KLF12: variants seen among roughly 807,000 people sequenced by gnomAD.
The protein encoded by KLF12 is KLF transcription factor 12.
A neutral mutation model predicts 37.8 loss-of-function variants in KLF12; 9 were observed. The observed-to-expected ratio is 0.24, with a 90% CI of 0.14 to 0.42. KLF12 has a LOEUF of 0.42. KLF12 is among the 10% of genes least tolerant of loss of function. KLF12 has a pLI of 1.00. For synonymous variants in KLF12, 208 were observed against 202.1 expected (o/e 1.03, Z -0.25); for missense variants, 411 against 516.0 (o/e 0.80, Z 1.97).
chr13:74,219,148 G>C, the KLF12 span, among the ~76,000 whole-genome samples: 3 of 151,972 alleles, frequency 2.0e-5, no homozygotes, highest in African/African-American at 7.3e-5. Context: ...TAGAGACAAG[G>C]TTTCACCACA....
chr13:74,119,226 G>A (rs1363573508), intron 1 of KLF12, among the ~76,000 whole-genome samples: 1 of 151,956 alleles, frequency 6.6e-6, no homozygotes, highest in Non-Finnish European at 1.5e-5. Flanking sequence ...CCAGATACTT[G>A]GGAGGCTGAG....
Position 74,043,802 on chromosome 13 carries a change from G to C in KLF12, c.-31-48749C>G, listed in dbSNP as rs146788047. On this transcript the variant is annotated intron_variant, in intron 1 of 7. Transcript: ENST00000377669. ...GGATCTAGTTTTGGCAAATTAGGCA[G>C]GTCCTCACAGCAATTGCTGTGTGGG... Among the ~76,000 whole-genome samples the C allele has an allele frequency of 5.4e-4, 83 of 152,310 alleles. 3 individuals are homozygous for C. In the East Asian group the frequency reaches 0.015, roughly 28 times the overall value.
At chr13:74,217,069 T>A in the KLF12 span, among the ~76,000 whole-genome samples, 1 of 152,230 alleles carries the variant, frequency 6.6e-6, no homozygotes, top group Non-Finnish European at 1.5e-5. Context: ...TATACACACA[T>A]ATCTAGGGAT....
In KLF12 at chr13:73,738,104, TATATATATATATATATATATACACAC is replaced by T. The variant is rs1337073500; in HGVS notation, c.870-22605_870-22580del. Reference sequence around the variant, plus strand: ...ATATGTATGTGTACATATATATATATATATATATATATATATATATACACACACACACATATATATACACACACACA... The same window carrying T: ...ATATGTATGTGTACATATATATATATACACACATATATATACACACACACA... On this transcript the variant is annotated intron_variant, in intron 6 of 7. Coordinates refer to ENST00000377669, the MANE Select transcript of KLF12 (RefSeq NM_007249.5). 1.1e-3 allele frequency among the ~76,000 whole-genome samples: 112 copies of T among 103,540 alleles called. 3 individuals carry two copies. Among genetic ancestry groups the T allele is most frequent in the African/African-American group, 3.9e-3 (91 of 23,540 alleles). 67.9% of individuals were successfully genotyped at this position (103,540 alleles called of 152,430 possible). A position where few individuals can be genotyped will look rare whatever the true frequency, so the allele number is the denominator to read the frequency against.
intron 1 of KLF12, among the ~76,000 whole-genome samples, chr13:74,098,248 T>C (rs560452013): frequency 4.6e-5 from 7 of 152,300 alleles, no homozygotes; most frequent in East Asian, 1.9e-4. Flanking sequence ...GGTGAGAACA[T>C]TGCATGCACT....
intron 1 of KLF12, among the ~76,000 whole-genome samples, chr13:74,044,361 A>G (rs1346506110): frequency 6.6e-6 from 1 of 152,184 alleles, no homozygotes; most frequent in African/African-American, 2.4e-5. Context: ...CCATTTGTCA[A>G]TAAGAGGAAC....
chr13:73,768,667 C>T (rs1322912152), intron 5 of KLF12, among the ~76,000 whole-genome samples: 1 of 152,014 alleles, frequency 6.6e-6, no homozygotes, highest in Non-Finnish European at 1.5e-5. Context: ...AAATTTGCAC[C>T]CATTTACAGA....
At chr13:74,149,526 A>T in the KLF12 span, among the ~76,000 whole-genome samples, 1 of 152,182 alleles carries the variant, frequency 6.6e-6, no homozygotes, top group Non-Finnish European at 1.5e-5. Context: ...CTGATATTCC[A>T]TGACCACTTC....
the KLF12 span, among the ~76,000 whole-genome samples, chr13:74,179,838 C>T: frequency 2.4e-4 from 37 of 152,150 alleles, no homozygotes; most frequent in African/African-American, 8.4e-4. Flanking sequence ...GTACAACAAC[C>T]CGTACTTTCC....
intron 7 of KLF12, among the ~76,000 whole-genome samples, chr13:73,702,073 ACT>A (rs1223593770): frequency 1.3e-5 from 2 of 152,102 alleles, no homozygotes; most frequent in Non-Finnish European, 2.9e-5. Flanking sequence ...CATCCTGAAA[ACT>A]CTGTAACTCC....
chr13:74,047,724 T>G (rs962434023), intron 1 of KLF12, among the ~76,000 whole-genome samples: 7 of 151,932 alleles, frequency 4.6e-5, no homozygotes, highest in African/African-American at 1.2e-4. Context: ...AAGAAGTGAA[T>G]AGAGAGAGTA....
intron 6 of KLF12, among the ~76,000 whole-genome samples, chr13:73,727,318 G>A (rs559500499): frequency 2.4e-4 from 37 of 152,202 alleles, no homozygotes; most frequent in African/African-American, 8.9e-4. Context: ...GACTTTTATA[G>A]CTTTGACTCT....
chr13:73,894,470 A>G (rs1887663702), intron 3 of KLF12, among the ~76,000 whole-genome samples: 1 of 152,210 alleles, frequency 6.6e-6, no homozygotes, highest in African/African-American at 2.4e-5. Context: ...CAGGTAATTC[A>G]TAAGAGGTTG....
chr13:74,055,664 C>T (rs1873205059), intron 1 of KLF12, among the ~76,000 whole-genome samples: 1 of 152,112 alleles, frequency 6.6e-6, no homozygotes. Flanking sequence ...TTACCACGGA[C>T]AGTCAAGATA....
At chr13:74,062,478 G>A (rs1000888308) in intron 1 of KLF12, among the ~76,000 whole-genome samples, 14 of 148,078 alleles carry the variant, frequency 9.5e-5, no homozygotes, top group Non-Finnish European at 1.5e-5. Context: ...TTTAGTGACT[G>A]AGCCCATAAG....
At chr13:74,086,549 T>C (rs1023342100) in intron 1 of KLF12, among the ~76,000 whole-genome samples, 3 of 152,128 alleles carry the variant, frequency 2.0e-5, no homozygotes, top group African/African-American at 7.2e-5. Flanking sequence ...GAATCACTAA[T>C]ATTTTAAGCA....
At chr13:73,929,205 G>A (rs1017364488) in intron 3 of KLF12, among the ~76,000 whole-genome samples, 5 of 152,192 alleles carry the variant, frequency 3.3e-5, no homozygotes, top group African/African-American at 1.2e-4. Context: ...CTGGAAGAGG[G>A]ATTTTGTGCT....
chr13:74,154,763 T>C, the KLF12 span, among the ~76,000 whole-genome samples: 1 of 152,208 alleles, frequency 6.6e-6, no homozygotes, highest in African/African-American at 2.4e-5. Flanking sequence ...TACCGGCCAG[T>C]CTTTGGCTCT....
At chr13:73,976,305 C>G (rs1891520400) in intron 2 of KLF12, among the ~76,000 whole-genome samples, 1 of 152,114 alleles carries the variant, frequency 6.6e-6, no homozygotes, top group African/African-American at 2.4e-5. Context: ...GATTTAGGAG[C>G]ACGCCCCTCT....
Sources: allele counts gnomAD v4.1 joint callset (sites outside exome capture counted in the v4.1 genomes callset), GRCh38; gene constraint gnomAD v4.1.1; transcripts MANE v1.5; gene names NCBI Gene and HGNC (gene_info 2026-07-23, HGNC 2026-07-21).